The following BCAS4 variants were observed in gnomAD, a reference collection of about 807,000 sequenced individuals.
The protein encoded by BCAS4 is breast carcinoma-amplified sequence 4.
BCAS4 carries 9 observed loss-of-function variants against 15.7 expected under a neutral mutation model. That is an observed-to-expected ratio of 0.57 (90% CI 0.34 to 1.00). The LOEUF (loss-of-function observed/expected upper bound fraction) is 1.00. Among genes scored for constraint, BCAS4 ranks in the 50% least tolerant of loss-of-function variants. BCAS4 has a pLI of 0.02. For missense variants in BCAS4, 225 were observed against 239.1 expected, an observed-to-expected ratio of 0.94 and a Z score of 0.39; for synonymous variants, 101 against 99.5, an observed-to-expected ratio of 1.02 and a Z score of -0.09.
At chr20:50,866,964 C>T (rs1024499827) in intron 4 of BCAS4, among the ~76,000 whole-genome samples, 10 of 152,112 alleles carry the variant, frequency 6.6e-5, no homozygotes, top group Non-Finnish European at 7.4e-5. Flanking sequence ...GCTCCGTTCT[C>T]GGTCACTGAG....
chr20:50,814,756 T>G (rs1442812214), intron 1 of BCAS4, among the ~76,000 whole-genome samples: 4 of 152,178 alleles, frequency 2.6e-5, no homozygotes, highest in Non-Finnish European at 5.9e-5. Context: ...ATAGGGTTCT[T>G]GTGAGAAGTA....
chr20:50,813,495 G>C (rs1353810358), intron 1 of BCAS4, among the ~76,000 whole-genome samples: 1 of 152,152 alleles, frequency 6.6e-6, no homozygotes, highest in Non-Finnish European at 1.5e-5. Flanking sequence ...GGGAGAGAGA[G>C]TGAAGTAGTT....
intron 4 of BCAS4, among the ~76,000 whole-genome samples, chr20:50,852,613 C>A (rs1471334344): frequency 6.6e-6 from 1 of 152,110 alleles, no homozygotes; most frequent in African/African-American, 2.4e-5. Context: ...AACTCCTGAC[C>A]CCAAGTGATC....
At chr20:50,796,230 A>G (rs1347894681) in intron 1 of BCAS4, among the ~76,000 whole-genome samples, 1 of 146,888 alleles carries the variant, frequency 6.8e-6, no homozygotes, top group Non-Finnish European at 1.5e-5. Context: ...TAAAAATACA[A>G]AAATTAGCCG....
chr20:50,795,037 A>T, upstream of BCAS4: 1 of 1,437,452 alleles, frequency 7.0e-7, no homozygotes, highest in Non-Finnish European at 9.2e-7. Context: ...GGGCGCAACC[A>T]CGGGCTCCCA....
chr20:50,849,753 TTTG>T (rs983380350), intron 4 of BCAS4, among the ~76,000 whole-genome samples: 8 of 152,202 alleles, frequency 5.3e-5, no homozygotes, highest in African/African-American at 9.7e-5. Context: ...TGGAGGGTTT[TTTG>T]TTGTTGTTGT....
At chr20:50,877,304 C>T (rs41283610), downstream of BCAS4, 2,020 of 152,436 alleles carry the variant, frequency 0.013, 20 homozygotes, top group Middle Eastern at 0.04. Context: ...GATGAGGCTC[C>T]AGCTGAGGGA....
intron 4 of BCAS4, among the ~76,000 whole-genome samples, chr20:50,855,065 C>T (rs979227171): frequency 3.3e-4 from 50 of 152,326 alleles, no homozygotes; most frequent in African/African-American, 1.2e-3. Flanking sequence ...GCCACGCCCA[C>T]CTGGGCACAC....
Position 50,818,269 on chromosome 20 carries a change from G to T in BCAS4, c.149G>T (p.Ser50Ile). The change falls in exon 2 of 5, where the codon AGC (serine) becomes ATC (isoleucine). Residue 50 changes from serine to isoleucine, a missense_variant. Ser to Ile is a moderately radical substitution (Grantham distance 142, BLOSUM62 -2). Transcript: ENST00000371608. ...GMLLRLEEFCSLADLIRSDTS... is the reference protein window; with the variant it reads ...GMLLRLEEFCILADLIRSDTS... ...CTCCTCAGGCTGGAAGAGTTTTGCA[G>T]CCTGGCTGACCTGGTGAGTGGCTGC... 1 of 1,613,630 alleles carries T rather than the reference G, an allele frequency of 6.2e-7. No individual in the cohort carries two copies.
chr20:50,825,956 G>T (rs1448850393), intron 2 of BCAS4, among the ~76,000 whole-genome samples: 1 of 152,066 alleles, frequency 6.6e-6, no homozygotes, highest in Non-Finnish European at 1.5e-5. Context: ...CAATTCTTTG[G>T]GATTTAGGGG....
chr20:50,862,531 G>A (rs1329451852), intron 4 of BCAS4, among the ~76,000 whole-genome samples: 3 of 151,864 alleles, frequency 2.0e-5, no homozygotes, highest in Non-Finnish European at 2.9e-5. Flanking sequence ...GGAGAAGGAC[G>A]GGCCTGGGCT....
intron 4 of BCAS4, among the ~76,000 whole-genome samples, chr20:50,844,853 G>A (rs1320127359): frequency 2.0e-5 from 3 of 152,154 alleles, no homozygotes; most frequent in African/African-American, 7.2e-5. Context: ...TACCTGCAGT[G>A]ACTTGTTCCA....
chr20:50,847,692 C>T (rs2088562955), intron 4 of BCAS4, among the ~76,000 whole-genome samples: 1 of 152,174 alleles, frequency 6.6e-6, no homozygotes, highest in Non-Finnish European at 1.5e-5. Context: ...GAGCTGTGAT[C>T]TCTTCAGGGA....
intron 2 of BCAS4, among the ~76,000 whole-genome samples, chr20:50,820,988 A>G (rs1444367335): frequency 6.6e-6 from 1 of 152,168 alleles, no homozygotes; most frequent in Non-Finnish European, 1.5e-5. Context: ...AAAAGCAAAG[A>G]TCTGGCCCTC....
intron 1 of BCAS4, among the ~76,000 whole-genome samples, chr20:50,816,864 G>C (rs2088145385): frequency 7.1e-6 from 1 of 141,296 alleles, no homozygotes; most frequent in South Asian, 2.2e-4. Context: ...GAGTGCAGTG[G>C]TGTGACCTTG....
chr20:50,839,587 C>G (rs2088451819), intron 3 of BCAS4, among the ~76,000 whole-genome samples: 1 of 152,238 alleles, frequency 6.6e-6, no homozygotes, highest in African/African-American at 2.4e-5. Context: ...ACTGCAACCT[C>G]TGCCTCCCGG....
downstream of BCAS4, chr20:50,879,468 G>C (rs995563572): frequency 6.6e-6 from 1 of 152,454 alleles, no homozygotes; most frequent in African/African-American, 2.4e-5. Context: ...AGCAAGCCAA[G>C]ATCGTGCCAC....
rs1978447492 is a variant in BCAS4 at position 50,851,859 on chromosome 20, T to G, written c.399+9959T>G. On this transcript the variant is annotated intron_variant, in intron 4 of 4. Transcript: ENST00000371608. This position sits in a 1 kb window ranked among gnomAD's most constrained non-coding sequence, Gnocchi z 4.3. ...CCTGGGTTCCCCCAGCCAGCCTTCC[T>G]CTGGGGTCCCCTAACCCAAACCCTC... Among the ~76,000 whole-genome samples, 1 of 152,244 alleles carries G rather than the reference T, an allele frequency of 6.6e-6. No homozygotes were observed. The highest frequency in any genetic ancestry group is 1.9e-4 in the East Asian group (1 of 5,198).
Position 50,876,729 on chromosome 20 carries a change from A to G in BCAS4, c.*121A>G. The G allele has an allele frequency of 4.8e-6, 6 of 1,247,404 alleles. No individual in the cohort carries two copies. In the South Asian group the frequency reaches 1.1e-4, roughly 24 times the overall value. The allele number at this position is 1,247,404 out of a possible 1,614,324, so 77.3% of individuals were successfully genotyped here. Reference sequence around the variant, plus strand: ...TTTAAAAATATTTAAAAAAATGTCGAGATGGGGTCTCACTATGTTGTCCAG... The same window carrying G: ...TTTAAAAATATTTAAAAAAATGTCGGGATGGGGTCTCACTATGTTGTCCAG... On this transcript the variant is annotated 3_prime_UTR_variant, in exon 5 of 5. Transcript: ENST00000371608.
Sources: gnomAD v4.1 joint callset for allele counts (sites outside exome capture counted in the v4.1 genomes callset) on GRCh38, gnomAD v4.1.1 for gene constraint, Gnocchi (gnomAD v3.1) non-coding constraint, MANE v1.5 for transcripts, NCBI Gene and HGNC (gene_info 2026-07-23, HGNC 2026-07-21) for gene names.